The following GNAL variants were observed in gnomAD, a reference collection of about 807,000 sequenced individuals.
GNAL encodes the protein guanine nucleotide-binding protein G(olf) subunit alpha.
In GNAL, 18 loss-of-function variants were observed where a neutral mutation model predicts 55.1. The observed-to-expected ratio is 0.33, with a 90% CI of 0.23 to 0.48. GNAL has a LOEUF of 0.48. GNAL is among the 20% of genes least tolerant of loss of function. The pLI, the probability that GNAL is intolerant of heterozygous loss-of-function variation, is 0.99. For synonymous variants in GNAL, 253 were observed against 237.0 expected, an observed-to-expected ratio of 1.07 and a Z score of -0.62; for missense variants, 412 against 614.1, an observed-to-expected ratio of 0.67 and a Z score of 3.48.
chr18:11,708,467 G>C (rs906649842), intron 1 of GNAL, among the ~76,000 whole-genome samples: 4 of 152,040 alleles, frequency 2.6e-5, no homozygotes, highest in African/African-American at 9.7e-5. Flanking sequence ...TAACATCCAA[G>C]ATCCCTTATC....
chr18:11,846,952 A>G (rs1453985394), intron 5 of GNAL, among the ~76,000 whole-genome samples: 6 of 152,024 alleles, frequency 3.9e-5, no homozygotes, highest in Non-Finnish European at 7.4e-5. Flanking sequence ...TCCCAAATAA[A>G]AAGGTGATGC....
chr18:11,761,587 C>G lies in GNAL; in HGVS notation c.624+7642C>G, dbSNP rs142138713. 5.7e-3 allele frequency among the ~76,000 whole-genome samples: 875 copies of G among 152,332 alleles called. 7 individuals are homozygous for G. Among genetic ancestry groups the G allele is most frequent in the Middle Eastern group, 0.037 (11 of 294 alleles). ...CTTCTGATCCTGTGGCTGGCCTAGTCTCAGGTTCTTTGAGGGTGCCTGGAA... is the reference window on the plus strand; with the variant it reads ...CTTCTGATCCTGTGGCTGGCCTAGTGTCAGGTTCTTTGAGGGTGCCTGGAA... On this transcript the variant is annotated intron_variant, in intron 4 of 11. Coordinates refer to ENST00000334049, the MANE Select transcript of GNAL (RefSeq NM_182978.4).
intron 4 of GNAL, among the ~76,000 whole-genome samples, chr18:11,784,175 CTT>C (rs893702735): frequency 2.6e-5 from 4 of 152,252 alleles, no homozygotes; most frequent in Admixed American, 1.3e-4. Flanking sequence ...GCGTACTTGT[CTT>C]TGGTCTCCCA....
intron 1 of GNAL, among the ~76,000 whole-genome samples, chr18:11,730,035 TC>T (rs2032300152): frequency 6.6e-6 from 1 of 152,042 alleles, no homozygotes; most frequent in African/African-American, 2.4e-5. Context: ...TCTTTTCTTT[TC>T]TTTTCTTTTT....
chr18:11,789,284 C>A (rs1382545645), intron 4 of GNAL, among the ~76,000 whole-genome samples: 1 of 152,170 alleles, frequency 6.6e-6, no homozygotes, highest in Non-Finnish European at 1.5e-5. Context: ...CCTTTCCTAT[C>A]ACATGTTGCT....
At chr18:11,747,843 C>T (rs375687337) in intron 1 of GNAL, among the ~76,000 whole-genome samples, 2 of 152,206 alleles carry the variant, frequency 1.3e-5, no homozygotes, top group African/African-American at 2.4e-5. Context: ...CTCTTCCTGG[C>T]TCTGGCGCAG....
chr18:11,770,892 C>A (rs931905707), intron 4 of GNAL, among the ~76,000 whole-genome samples: 1 of 152,034 alleles, frequency 6.6e-6, no homozygotes, highest in Non-Finnish European at 1.5e-5. Flanking sequence ...CAGCTGACAT[C>A]TTTAACTGCT....
intron 10 of GNAL, chr18:11,874,299 T>A (rs1371443119): frequency 6.6e-6 from 1 of 152,102 alleles, no homozygotes; most frequent in African/African-American, 2.4e-5. Context: ...AACTCCAACG[T>A]CAACTCTCAC....
At chr18:11,747,078 C>G (rs2032704495) in intron 1 of GNAL, 1 of 435,560 alleles carries the variant, frequency 2.3e-6, no homozygotes. Flanking sequence ...AGAGAGGCCT[C>G]TGAAGGAGCT....
chr18:11,853,706 G>A, intron 5 of GNAL: 1 of 167,222 alleles, frequency 6.0e-6, no homozygotes. Context: ...ACATTGTTCA[G>A]AAGTGTGCTT....
At chr18:11,740,258 A>G (rs1310700657) in intron 1 of GNAL, among the ~76,000 whole-genome samples, 1 of 151,936 alleles carries the variant, frequency 6.6e-6, no homozygotes, top group Non-Finnish European at 1.5e-5. Flanking sequence ...GTGTACCCCC[A>G]GCATTTTGGG....
At chr18:11,705,719 C>CTTTTCATA (rs2086416040) in intron 1 of GNAL, among the ~76,000 whole-genome samples, 1 of 146,764 alleles carries the variant, frequency 6.8e-6, no homozygotes, top group African/African-American at 2.5e-5. Flanking sequence ...TAACATTGAG[C>CTTTTCATA]TTTTCATATA....
intron 5 of GNAL, among the ~76,000 whole-genome samples, chr18:11,860,880 C>G (rs1466295781): frequency 6.6e-6 from 1 of 152,144 alleles, no homozygotes; most frequent in Non-Finnish European, 1.5e-5. Context: ...AGCCAGCCAG[C>G]CAGCCTTGCA....
intron 4 of GNAL, among the ~76,000 whole-genome samples, chr18:11,808,176 A>C (rs2034714781): frequency 6.6e-6 from 1 of 152,000 alleles, no homozygotes; most frequent in African/African-American, 2.4e-5. Flanking sequence ...AGTGGAAGGA[A>C]TCGCCACTCT....
At chr18:11,859,115 C>CT (rs1452367991) in intron 5 of GNAL, among the ~76,000 whole-genome samples, 5 of 152,354 alleles carry the variant, frequency 3.3e-5, no homozygotes, top group African/African-American at 7.2e-5. Flanking sequence ...TTCCTAAACT[C>CT]TAACTATAGC....
intron 1 of GNAL, among the ~76,000 whole-genome samples, chr18:11,728,132 T>C (rs1221289535): frequency 1.3e-5 from 2 of 152,112 alleles, no homozygotes; most frequent in Admixed American, 1.3e-4. Flanking sequence ...GAGGATCCCT[T>C]GAGCCCAGGA....
Position 11,876,644 on chromosome 18 carries a change from C to A in GNAL, c.1186C>A (p.Pro396Thr). 1 of 1,607,514 alleles carries A rather than the reference C, an allele frequency of 6.2e-7. No individual in the cohort carries two copies. The highest frequency in any genetic ancestry group is 8.5e-7 in the Non-Finnish European group (1 of 1,173,998). Reference protein sequence around the residue: ...EDATPDAGEDPKVTRAKFFIR... With the variant: ...EDATPDAGEDTKVTRAKFFIR... ...AGCAACACCAGATGCAGGAGAAGAT[C>A]CCAAAGTTACAAGAGCCAAGTTCTT... Residue 396 changes from proline (P) to threonine (T), a missense_variant, in exon 11 of 12, where the codon CCC (proline) becomes ACC (threonine). By Grantham distance (38) the Pro-to-Thr change is conservative. Around this residue, in one of 5 missense-constraint regions of GNAL, gnomAD observed 79 missense variants for 127.1 expected, o/e 0.62. Transcript: ENST00000334049.
chr18:11,858,927 G>C (rs1356550167), intron 5 of GNAL, among the ~76,000 whole-genome samples: 1 of 152,142 alleles, frequency 6.6e-6, no homozygotes, highest in Non-Finnish European at 1.5e-5. Flanking sequence ...AAAGTCACTG[G>C]TCTTTCATAG....
chr18:11,766,258 GT>G (rs869087756), intron 4 of GNAL, among the ~76,000 whole-genome samples: 2 of 152,120 alleles, frequency 1.3e-5, no homozygotes, highest in African/African-American at 4.8e-5. Context: ...AGGTGTGGGG[GT>G]TTTTTCACCT....
Sources: allele counts gnomAD v4.1 joint callset (sites outside exome capture counted in the v4.1 genomes callset), GRCh38; gene constraint gnomAD v4.1.1; regional missense constraint gnomAD v4.1.1; transcripts MANE v1.5; gene names NCBI Gene and HGNC (gene_info 2026-07-23, HGNC 2026-07-21).